Variants in SPAG16 observed in about 807,000 individuals in gnomAD.
SPAG16 encodes the protein sperm-associated antigen 16 protein.
Under a neutral mutation model 80.4 loss-of-function variants are expected in SPAG16, and 86 were observed. That is an observed-to-expected ratio of 1.07 (90% confidence interval 0.90 to 1.28). SPAG16 has a LOEUF of 1.28. SPAG16 is among the 50% of genes most tolerant of loss of function. The pLI is 0.00. For synonymous variants in SPAG16, 294 were observed against 265.9 expected (o/e 1.11, Z -1.03); for missense variants, 870 against 765.3 (o/e 1.14, Z -1.61).
chr2:213,388,673 T>C (rs998777855), intron 9 of SPAG16, among the ~76,000 whole-genome samples: 3 of 152,204 alleles, frequency 2.0e-5, no homozygotes, highest in Non-Finnish European at 4.4e-5. Context: ...ACAAAATCAT[T>C]TGTATTTCTA....
At chr2:214,404,769 G>GA (rs748285193) in intron 15 of SPAG16, among the ~76,000 whole-genome samples, 10 of 150,440 alleles carry the variant, frequency 6.6e-5, no homozygotes, top group Non-Finnish European at 8.9e-5. Context: ...TTGGAGTCTA[G>GA]AAAAAAAAAT....
rs1002889510 is a variant in SPAG16, at chr2:214,380,155, CA to C, written c.1721-29984del. On this transcript the variant is annotated intron_variant, in intron 15 of 15. Transcript: ENST00000331683. ...TTATGTCATTATTCAAGAAAAATTA[CA>C]GAAAACTTTTCCTTAAACAAGGTAG... 3.2e-4 allele frequency among the ~76,000 whole-genome samples: 49 copies of C among 152,328 alleles called. 1 individual carries two copies. Among genetic ancestry groups the C allele is most frequent in the Admixed American group, 2.8e-3 (43 of 15,306 alleles).
intron 15 of SPAG16, among the ~76,000 whole-genome samples, chr2:214,363,493 T>G (rs1699304581): frequency 1.3e-5 from 2 of 152,054 alleles, no homozygotes; most frequent in South Asian, 4.1e-4. Context: ...GACCCACATT[T>G]CCGTTTACCA....
intron 15 of SPAG16, among the ~76,000 whole-genome samples, chr2:214,270,296 G>C (rs996897791): frequency 1.6e-4 from 24 of 152,270 alleles, no homozygotes; most frequent in African/African-American, 5.8e-4. Flanking sequence ...GTATTTTACA[G>C]TTCAAGCTTT....
chr2:213,741,973 G>A (rs1251065765), intron 10 of SPAG16, among the ~76,000 whole-genome samples: 1 of 151,830 alleles, frequency 6.6e-6, no homozygotes, highest in Non-Finnish European at 1.5e-5. Flanking sequence ...CTGTGTAATT[G>A]TGTTGTAGAA....
intron 12 of SPAG16, among the ~76,000 whole-genome samples, chr2:213,997,751 A>G (rs2046595751): frequency 6.6e-6 from 1 of 152,202 alleles, no homozygotes; most frequent in South Asian, 2.1e-4. Context: ...TTATAAAAAA[A>G]TTGCCAGTCT....
chr2:213,930,626 A>C (rs1233138936), intron 12 of SPAG16, among the ~76,000 whole-genome samples: 1 of 152,206 alleles, frequency 6.6e-6, no homozygotes, highest in Admixed American at 6.5e-5. Context: ...AATTGTAGGA[A>C]ATAGTATACT....
chr2:213,914,892 G>A (rs2077877588), intron 11 of SPAG16, among the ~76,000 whole-genome samples: 1 of 150,976 alleles, frequency 6.6e-6, no homozygotes, highest in Non-Finnish European at 1.5e-5. Flanking sequence ...TTAGAACTTT[G>A]TCAAACACAT....
chr2:214,117,366 G>C (rs2053985636), intron 14 of SPAG16, among the ~76,000 whole-genome samples: 1 of 152,114 alleles, frequency 6.6e-6, no homozygotes, highest in South Asian at 2.1e-4. Flanking sequence ...TACAACAGTT[G>C]CCTGTCAAAG....
intron 10 of SPAG16, among the ~76,000 whole-genome samples, chr2:213,809,519 A>G (rs1221273651): frequency 6.6e-6 from 1 of 152,224 alleles, no homozygotes; most frequent in Non-Finnish European, 1.5e-5. Flanking sequence ...GAAAATAATT[A>G]TATAACAATT....
Position 213,938,104 on chromosome 2 carries a change from A to AAT in SPAG16, c.1400+7974_1400+7975dup, listed in dbSNP as rs140123144. On this transcript the variant is annotated intron_variant, in intron 12 of 15. Transcript: ENST00000331683. ...AACTAAAGATATTCTGATAAAAGCGAATATATATATATATATTTTATAACA... is the reference window on the plus strand; with the variant it reads ...AACTAAAGATATTCTGATAAAAGCGAATATATATATATATATATTTTATAACA... 6.4e-3 allele frequency among the ~76,000 whole-genome samples: 956 copies of AAT among 150,202 alleles called. 3 individuals carry two copies. The highest frequency in any genetic ancestry group is 0.011 in the Non-Finnish European group (718 of 67,322).
intron 9 of SPAG16, among the ~76,000 whole-genome samples, chr2:213,460,753 A>G (rs567492485): frequency 7.5e-4 from 115 of 152,324 alleles, no homozygotes; most frequent in Non-Finnish European, 1.1e-3. Flanking sequence ...TCATAGTTAC[A>G]TAATGCTACG....
chr2:213,692,410 T>C (rs1324822071), intron 10 of SPAG16, among the ~76,000 whole-genome samples: 1 of 152,168 alleles, frequency 6.6e-6, no homozygotes. Context: ...ATACATAAAA[T>C]ATATTAAGAA....
intron 10 of SPAG16, among the ~76,000 whole-genome samples, chr2:213,709,881 G>A (rs2065909533): frequency 1.3e-5 from 2 of 152,038 alleles, no homozygotes; most frequent in Admixed American, 1.3e-4. Flanking sequence ...TTAATTCAAA[G>A]GCTATATTTT....
intron 10 of SPAG16, among the ~76,000 whole-genome samples, chr2:213,675,827 C>T (rs1268445496): frequency 2.0e-5 from 3 of 151,194 alleles, no homozygotes; most frequent in African/African-American, 7.3e-5. Context: ...CATGATGCCT[C>T]CAGCTTTGTT....
chr2:213,302,359 A>C (rs556155826), intron 3 of SPAG16, among the ~76,000 whole-genome samples: 1 of 152,302 alleles, frequency 6.6e-6, no homozygotes, highest in Middle Eastern at 3.4e-3. Flanking sequence ...AAGTATACAT[A>C]ATGGTTGCAT....
intron 9 of SPAG16, among the ~76,000 whole-genome samples, chr2:213,380,405 G>A (rs75717935): frequency 0.047 from 7,126 of 152,300 alleles, 243 homozygotes; most frequent in Middle Eastern, 0.095. Context: ...ATCAGTGCAA[G>A]CTGGGAGACA....
chr2:213,907,054 A>G (rs995068252), intron 11 of SPAG16, among the ~76,000 whole-genome samples: 3 of 152,294 alleles, frequency 2.0e-5, no homozygotes, highest in Admixed American at 6.5e-5. Context: ...AAAGGAAACA[A>G]TCAACAGAAT....
chr2:214,196,110 T>C (rs1576470720), intron 15 of SPAG16, among the ~76,000 whole-genome samples: 1 of 152,074 alleles, frequency 6.6e-6, no homozygotes, highest in Non-Finnish European at 1.5e-5. Context: ...CACTATGTTT[T>C]CTTAATCCCG....
Sources: gnomAD v4.1 joint callset for allele counts (sites outside exome capture counted in the v4.1 genomes callset) on GRCh38, gnomAD v4.1.1 for gene constraint, MANE v1.5 for transcripts, NCBI Gene and HGNC (gene_info 2026-07-23, HGNC 2026-07-21) for gene names.